Variants in MAN1C1 observed in about 807,000 individuals in gnomAD.
MAN1C1 encodes mannosidase alpha class 1C member 1.
In MAN1C1, 49 loss-of-function variants were observed where a neutral mutation model predicts 71.5. That is an observed-to-expected ratio of 0.69 (90% CI 0.54 to 0.87). The LOEUF is 0.87. Ranked by LOEUF, MAN1C1 falls within the 40% of genes least tolerant of loss-of-function variation. MAN1C1 has a pLI of 0.00. For missense variants in MAN1C1, 743 were observed against 835.0 expected (o/e 0.89, Z 1.36); for synonymous variants, 352 against 343.7 (o/e 1.02, Z -0.27).
At chr1:25,674,875 A>C (rs977446792) in intron 1 of MAN1C1, among the ~76,000 whole-genome samples, 4 of 152,140 alleles carry the variant, frequency 2.6e-5, no homozygotes, top group African/African-American at 9.7e-5. Context: ...CCTGGCTGCA[A>C]TGTGGAGAGC....
intron 4 of MAN1C1, among the ~76,000 whole-genome samples, chr1:25,750,825 C>G (rs2047203762): frequency 6.6e-6 from 1 of 152,140 alleles, no homozygotes; most frequent in Admixed American, 6.5e-5. Flanking sequence ...ATATGCCCAG[C>G]CTTCCTACTT....
At chr1:25,742,415 C>A (rs1261381130) in intron 2 of MAN1C1, among the ~76,000 whole-genome samples, 1 of 152,206 alleles carries the variant, frequency 6.6e-6, no homozygotes, top group Non-Finnish European at 1.5e-5. Context: ...CAGATGGGAC[C>A]TGTGGGGCGG....
chr1:25,721,843 G>A (rs2046770363), intron 2 of MAN1C1, among the ~76,000 whole-genome samples: 1 of 152,190 alleles, frequency 6.6e-6, no homozygotes, highest in African/African-American at 2.4e-5. Context: ...GATCCTGGGG[G>A]AAAGCTTTTG....
At chr1:25,755,099 A>G (rs1193642255) in intron 5 of MAN1C1, among the ~76,000 whole-genome samples, 1 of 152,182 alleles carries the variant, frequency 6.6e-6, no homozygotes, top group South Asian at 2.1e-4. Flanking sequence ...AGGAGGGGGA[A>G]GAACGTGGGC....
At chr1:25,619,517 C>T (rs867649105) in intron 1 of MAN1C1, among the ~76,000 whole-genome samples, 1 of 152,202 alleles carries the variant, frequency 6.6e-6, no homozygotes, top group African/African-American at 2.4e-5. Flanking sequence ...TCCCTTCCAG[C>T]GCCCACCTCT....
intron 1 of MAN1C1, among the ~76,000 whole-genome samples, chr1:25,679,891 C>T (rs1489462577): frequency 3.5e-5 from 5 of 141,242 alleles, no homozygotes; most frequent in African/African-American, 5.3e-5. Flanking sequence ...TGAGATAGAG[C>T]CTACCTCTGG....
intron 1 of MAN1C1, among the ~76,000 whole-genome samples, chr1:25,656,399 A>G (rs1284995675): frequency 1.3e-5 from 2 of 152,092 alleles, no homozygotes; most frequent in Non-Finnish European, 2.9e-5. Context: ...CGCCGGGCCT[A>G]TAATGTACTT....
At chr1:25,738,193 A>T (rs568902737) in intron 2 of MAN1C1, among the ~76,000 whole-genome samples, 1 of 152,316 alleles carries the variant, frequency 6.6e-6, no homozygotes, top group South Asian at 2.1e-4. Context: ...ATTCAGCCTC[A>T]GAGCACAGTG....
intron 1 of MAN1C1, among the ~76,000 whole-genome samples, chr1:25,663,883 A>G (rs2045884847): frequency 6.6e-6 from 1 of 152,224 alleles, no homozygotes; most frequent in African/African-American, 2.4e-5. Flanking sequence ...AAAAAGTTAG[A>G]ACATGGTGTC....
intron 2 of MAN1C1, among the ~76,000 whole-genome samples, chr1:25,741,078 G>GGATTGGCTTTCAGACAGT (rs1553192564): frequency 1.3e-5 from 2 of 151,954 alleles, no homozygotes; most frequent in African/African-American, 4.8e-5. Context: ...GGAAGGCATG[G>GGATTGGCTTTCAGACAGT]GATTGGCTTT....
chr1:25,777,858 G>A (rs1230745652), intron 8 of MAN1C1, among the ~76,000 whole-genome samples: 3 of 152,148 alleles, frequency 2.0e-5, no homozygotes, highest in Non-Finnish European at 4.4e-5. Context: ...AGATTTTAAA[G>A]GCTGTGTAAG....
chr1:25,741,148 G>T (rs2124324911), intron 2 of MAN1C1, among the ~76,000 whole-genome samples: 1 of 151,770 alleles, frequency 6.6e-6, no homozygotes, highest in Non-Finnish European at 1.5e-5. Context: ...TGCAGAGTTG[G>T]ATATGTGACT....
chr1:25,739,434 C>G (rs1357309166), intron 2 of MAN1C1, among the ~76,000 whole-genome samples: 1 of 152,198 alleles, frequency 6.6e-6, no homozygotes, highest in Non-Finnish European at 1.5e-5. Flanking sequence ...TAGTATGTGG[C>G]TCTGGGGATA....
chr1:25,750,450 G>A, intron 4 of MAN1C1, among the ~76,000 whole-genome samples: 1 of 151,588 alleles, frequency 6.6e-6, no homozygotes, highest in African/African-American at 2.4e-5. Context: ...AAATAATGAT[G>A]CCTGCCCCCC....
chr1:25,680,554 GAAT>G (rs1397931728), intron 1 of MAN1C1, among the ~76,000 whole-genome samples: 3 of 152,174 alleles, frequency 2.0e-5, no homozygotes, highest in Admixed American at 2.0e-4. Flanking sequence ...CCTATAAATG[GAAT>G]CATACTCCAG....
At chr1:25,781,318 C>G (rs780541016) in intron 10 of MAN1C1, 8 of 581,104 alleles carry the variant, frequency 1.4e-5, no homozygotes, top group Non-Finnish European at 2.1e-5. Flanking sequence ...CAGGACAGGC[C>G]AGACTTGTGA....
intron 2 of MAN1C1, among the ~76,000 whole-genome samples, chr1:25,734,601 AGTCAGTGTCT>A (rs1213473857): frequency 2.0e-5 from 3 of 152,164 alleles, no homozygotes; most frequent in Non-Finnish European, 4.4e-5. Context: ...AGCCTCATGG[AGTCAGTGTCT>A]GGCTCCCAGC....
rs1455336571 is a variant in MAN1C1, at chr1:25,617,590, C to T, written c.-208C>T. Reference sequence around the variant, plus strand: ...CCGCTCGCCCGGGCCCCGCCGAGGCCGCTGCGCCCCCGCCTCCTCGCGGGA... The same window carrying T: ...CCGCTCGCCCGGGCCCCGCCGAGGCTGCTGCGCCCCCGCCTCCTCGCGGGA... On this transcript the variant is annotated 5_prime_UTR_variant, in exon 1 of 12. Coordinates refer to ENST00000374332, the MANE Select transcript of MAN1C1 (RefSeq NM_020379.4). The surrounding 1 kb of genome is among the most constrained non-coding windows in gnomAD (Gnocchi z 5.1). 1.5e-4 allele frequency: 70 copies of T among 467,916 alleles called. No individual in the cohort carries two copies. Among genetic ancestry groups the T allele is most frequent in the Non-Finnish European group, 2.0e-4 (55 of 269,792 alleles). The allele number at this position is 467,916 out of a possible 1,614,324, so 29.0% of individuals were successfully genotyped here. A position where few individuals can be genotyped will look rare whatever the true frequency, so the allele number is the denominator to read the frequency against.
At position 25,747,120 on chromosome 1, in the gene MAN1C1, G is replaced by A. The variant is rs148175327; in HGVS notation, c.753+337G>A. Among the ~76,000 whole-genome samples the A allele has an allele frequency of 6.0e-4, 91 of 152,330 alleles. 1 individual carries two copies. In the South Asian group the frequency reaches 7.7e-3, roughly 13 times the overall value. On this transcript the variant is annotated intron_variant, in intron 3 of 11. Coordinates refer to ENST00000374332, the MANE Select transcript of MAN1C1 (RefSeq NM_020379.4). ...CCTGGGGCTGGATCTATCACACACA[G>A]CAGCTGCAGCAAGTGGGGAATGGCT...
Sources: gnomAD v4.1 joint callset for allele counts (sites outside exome capture counted in the v4.1 genomes callset) on GRCh38, gnomAD v4.1.1 for gene constraint, Gnocchi (gnomAD v3.1) non-coding constraint, MANE v1.5 for transcripts, NCBI Gene and HGNC (gene_info 2026-07-23, HGNC 2026-07-21) for gene names.